The following CGNL1 variants were observed in gnomAD, a reference collection of about 807,000 sequenced individuals.
CGNL1 encodes the protein cingulin like 1.
Under a neutral mutation model 141.2 loss-of-function variants are expected in CGNL1, and 132 were observed. The observed-to-expected ratio is 0.93, with a 90% CI of 0.81 to 1.08. The LOEUF (loss-of-function observed/expected upper bound fraction) is 1.08, where lower values mean the gene tolerates loss of function less well. Among genes scored for constraint, CGNL1 ranks in the 50% least tolerant of loss-of-function variants. CGNL1 has a pLI of 0.00. For missense variants in CGNL1, 1,870 were observed against 1,588.6 expected, an observed-to-expected ratio of 1.18 and a Z score of -3.01; for synonymous variants, 690 against 622.1, an observed-to-expected ratio of 1.11 and a Z score of -1.63.
chr15:57,429,737 A>G (rs185527716), intron 1 of CGNL1, among the ~76,000 whole-genome samples: 1 of 152,300 alleles, frequency 6.6e-6, no homozygotes, highest in East Asian at 1.9e-4. Flanking sequence ...TTTTCTCATA[A>G]GTGTTTCAAA....
At chr15:57,497,132 G>C (rs1300365287) in intron 8 of CGNL1, among the ~76,000 whole-genome samples, 2 of 152,202 alleles carry the variant, frequency 1.3e-5, no homozygotes, top group Non-Finnish European at 2.9e-5. Flanking sequence ...CCCAGCTGGT[G>C]CAGGCCCAGG....
At chr15:57,537,240 G>A (rs1284443530) in intron 14 of CGNL1, among the ~76,000 whole-genome samples, 2 of 152,072 alleles carry the variant, frequency 1.3e-5, no homozygotes, top group Non-Finnish European at 2.9e-5. Flanking sequence ...GCTTTGGGTG[G>A]CTTCATGGTC....
chr15:57,412,578 C>A (rs1467921030), intron 1 of CGNL1, among the ~76,000 whole-genome samples: 6 of 152,138 alleles, frequency 3.9e-5, no homozygotes, highest in South Asian at 2.1e-4. Context: ...GCCCTGTTTG[C>A]CTTCCTCCAC....
At chr15:57,455,315 A>T (rs2063365970) in intron 7 of CGNL1, among the ~76,000 whole-genome samples, 1 of 152,236 alleles carries the variant, frequency 6.6e-6, no homozygotes, top group African/African-American at 2.4e-5. Context: ...ATAAAAGTGT[A>T]GCTTCATGAA....
At chr15:57,507,926 G>C (rs2064125598) in intron 8 of CGNL1, among the ~76,000 whole-genome samples, 1 of 152,184 alleles carries the variant, frequency 6.6e-6, no homozygotes, top group Non-Finnish European at 1.5e-5. Flanking sequence ...GTGTTGCAGA[G>C]GGGAGAAAGT....
At chr15:57,544,654 T>C in intron 16 of CGNL1, 57 bp downstream of exon 16, 2 of 1,544,012 alleles carry the variant, frequency 1.3e-6, no homozygotes, top group Non-Finnish European at 1.7e-6. Flanking sequence ...GACAGTCCCA[T>C]CGCAATGTGT....
intron 10 of CGNL1, among the ~76,000 whole-genome samples, chr15:57,520,307 T>G (rs1463754036): frequency 6.6e-6 from 1 of 152,230 alleles, no homozygotes; most frequent in African/African-American, 2.4e-5. Context: ...ACTCTTTCTA[T>G]GCACCTCTCG....
intron 8 of CGNL1, among the ~76,000 whole-genome samples, chr15:57,494,442 C>T (rs1170684004): frequency 6.6e-6 from 1 of 152,126 alleles, no homozygotes; most frequent in African/African-American, 2.4e-5. Context: ...TTTCTTTGTT[C>T]CTTTTTTCTC....
chr15:57,451,645 G>T, intron 5 of CGNL1, 44 bp downstream of exon 5: 1 of 1,417,644 alleles, frequency 7.1e-7, no homozygotes, highest in South Asian at 1.2e-5. Flanking sequence ...TTTCTGTCTT[G>T]GTTGATAAAG....
intron 1 of CGNL1, among the ~76,000 whole-genome samples, chr15:57,395,253 C>G (rs1282684768): frequency 6.6e-6 from 1 of 152,100 alleles, no homozygotes; most frequent in East Asian, 1.9e-4. Flanking sequence ...CTTCTGTTTC[C>G]TTAGGGAAGA....
intron 8 of CGNL1, among the ~76,000 whole-genome samples, chr15:57,467,324 G>T (rs1376401434): frequency 2.6e-5 from 4 of 152,212 alleles, no homozygotes; most frequent in African/African-American, 9.6e-5. Context: ...AATCACGAAA[G>T]ATTTTAGGGA....
intron 8 of CGNL1, among the ~76,000 whole-genome samples, chr15:57,464,851 G>A (rs2063492231): frequency 6.6e-6 from 1 of 151,578 alleles, no homozygotes; most frequent in Admixed American, 6.6e-5. Context: ...CCAGGTTCAA[G>A]CAGTTCTCCT....
At chr15:57,435,554 A>G (rs1191646990) in intron 1 of CGNL1, among the ~76,000 whole-genome samples, 2 of 152,106 alleles carry the variant, frequency 1.3e-5, no homozygotes, top group East Asian at 3.8e-4. Flanking sequence ...AAAGTTGACA[A>G]TGAAATATTT....
intron 8 of CGNL1, among the ~76,000 whole-genome samples, chr15:57,480,248 G>GCGCGGT (rs2063708698): frequency 1.3e-5 from 2 of 149,420 alleles, no homozygotes; most frequent in South Asian, 2.2e-4. Flanking sequence ...TTGAGGCCAG[G>GCGCGGT]AGCTCACGCC....
chr15:57,404,114 G>T (rs2062689133), intron 1 of CGNL1, among the ~76,000 whole-genome samples: 1 of 152,212 alleles, frequency 6.6e-6, no homozygotes, highest in South Asian at 2.1e-4. Flanking sequence ...CTTTCTCAAG[G>T]CTGCCTGTGT....
rs571578784 is a variant in CGNL1, at chr15:57,429,160, C to T, written c.-15-8825C>T. On this transcript the variant is annotated intron_variant, in intron 1 of 18. Transcript: ENST00000281282. ...ATGGTATTAATGCCAACAGTGTGAA[C>T]CTGAGCATAAGGTATGCCCTGAGTT... is the stretch of plus-strand genomic sequence containing the variant. Among the ~76,000 whole-genome samples the T allele has an allele frequency of 4.6e-5, 7 of 152,226 alleles. No homozygotes were observed. The South Asian group carries it at 1.5e-3, about 32-fold the overall frequency.
chr15:57,451,801 T>C (rs1284555862), intron 5 of CGNL1, among the ~76,000 whole-genome samples, 200 bp downstream of exon 5: 14 of 152,116 alleles, frequency 9.2e-5, no homozygotes, highest in African/African-American at 3.4e-4. Flanking sequence ...CCAAAGCCTA[T>C]AGAGACTGTT....
Position 57,547,636 on chromosome 15 carries a change from C to A in CGNL1, c.*146C>A. ...CATGCCAGCTCCTCAGTGTTACATT[C>A]CTCGCCAGGGTCTCTCAGTGGGTCT... On this transcript the variant is annotated 3_prime_UTR_variant, in exon 19 of 19. Transcript: ENST00000281282. 1 of 892,750 alleles carries A rather than the reference C, an allele frequency of 1.1e-6. No homozygotes were observed. Among genetic ancestry groups the A allele is most frequent in the Non-Finnish European group, 1.7e-6 (1 of 598,704 alleles). The allele number at this position is 892,750 out of a possible 1,614,324, so 55.3% of individuals were successfully genotyped here.
At chr15:57,509,112 A>G (rs542047559) in intron 8 of CGNL1, among the ~76,000 whole-genome samples, 1 of 152,254 alleles carries the variant, frequency 6.6e-6, no homozygotes, top group Admixed American at 6.5e-5. Context: ...CCCGGGCCCT[A>G]TTGTGCAAGT....
Sources: allele counts gnomAD v4.1 joint callset (sites outside exome capture counted in the v4.1 genomes callset), GRCh38; gene constraint gnomAD v4.1.1; transcripts MANE v1.5; gene names NCBI Gene and HGNC (gene_info 2026-07-23, HGNC 2026-07-21).